Variants in CEACAM21 observed in about 807,000 individuals in gnomAD.
The protein encoded by CEACAM21 is CEA cell adhesion molecule 21, also known as cell adhesion molecule CEACAM21.
Under a neutral mutation model 33.2 loss-of-function variants are expected in CEACAM21, and 38 were observed. The observed-to-expected ratio is 1.14, with a 90% CI of 0.88 to 1.50. CEACAM21 has a LOEUF of 1.50. CEACAM21 is among the 40% of genes most tolerant of loss of function. CEACAM21 has a pLI of 0.00. For synonymous variants in CEACAM21, 156 were observed against 143.0 expected, an observed-to-expected ratio of 1.09 and a Z score of -0.65; for missense variants, 385 against 364.6, an observed-to-expected ratio of 1.06 and a Z score of -0.46.
At chr19:41,574,506 C>A (rs1480362994), upstream of CEACAM21, among the ~76,000 whole-genome samples, 86 of 152,050 alleles carry the variant, frequency 5.7e-4, 1 homozygote, top group Admixed American at 5.6e-3. Context: ...AAAAAGATAA[C>A]CCATTTTTTT....
intron 1 of CEACAM21, among the ~76,000 whole-genome samples, chr19:41,560,695 T>C (rs9304594): frequency 6.6e-6 from 1 of 152,230 alleles, no homozygotes; most frequent in Non-Finnish European, 1.5e-5. Flanking sequence ...TTCAATGTAA[T>C]TCATAACTTT....
intron 1 of CEACAM21, among the ~76,000 whole-genome samples, chr19:41,559,008 T>C (rs1307561515): frequency 6.6e-6 from 1 of 152,234 alleles, no homozygotes. Flanking sequence ...CACACTTTAA[T>C]AGGAGATTTG....
chr19:41,554,998 T>G (rs2041451259), intron 1 of CEACAM21: 2 of 152,172 alleles, frequency 1.3e-5, no homozygotes, highest in South Asian at 4.1e-4. Flanking sequence ...CTCTTAGGCT[T>G]CTTTACTAGG....
chr19:41,564,763 G>C (rs1386360137), exon 2 of CEACAM21: 1 of 152,226 alleles, frequency 6.6e-6, no homozygotes, highest in East Asian at 1.9e-4. Context: ...CCATTGGCGC[G>C]TCACTAATTA....
chr19:41,573,680 C>T (rs1452021111), upstream of CEACAM21, among the ~76,000 whole-genome samples: 2 of 152,202 alleles, frequency 1.3e-5, no homozygotes, highest in African/African-American at 4.8e-5. Flanking sequence ...AATTGTCCCT[C>T]ACTATGTAGG....
At chr19:41,579,023 T>A (rs1474331422) in intron 2 of CEACAM21, among the ~76,000 whole-genome samples, 1 of 152,190 alleles carries the variant, frequency 6.6e-6, no homozygotes, top group Non-Finnish European at 1.5e-5. Flanking sequence ...CCTTAGGGGC[T>A]GAGACCCATG....
chr19:41,552,703 G>A (rs758171378), intron 1 of CEACAM21, among the ~76,000 whole-genome samples: 6 of 152,180 alleles, frequency 3.9e-5, no homozygotes, highest in Non-Finnish European at 7.4e-5. Context: ...GGGGGTCATC[G>A]TTATGGGGCA....
At chr19:41,576,133 C>T (rs187573219), upstream of CEACAM21, 833 of 917,560 alleles carry the variant, frequency 9.1e-4, 4 homozygotes, top group African/African-American at 0.012. Flanking sequence ...TGCCCATAAA[C>T]GGGAAGTGCT....
Position 41,586,549 on chromosome 19 carries a change from C to T in CEACAM21, c.*86C>T. ...TCTTAGGTTCCTCTGGGAGCTGCTCCTGTGGGTTGATGGAGCGTCCCTGAA... is the reference window on the plus strand; with the variant it reads ...TCTTAGGTTCCTCTGGGAGCTGCTCTTGTGGGTTGATGGAGCGTCCCTGAA... On this transcript the variant is annotated 3_prime_UTR_variant, in exon 7 of 7. Transcript: ENST00000401445. 5 of 632,198 alleles carry T rather than the reference C, an allele frequency of 7.9e-6. No individual in the cohort carries two copies. The highest frequency in any genetic ancestry group is 2.7e-5 in the South Asian group (2 of 73,406). 39.2% of individuals were successfully genotyped at this position (632,198 alleles called of 1,614,324 possible).
chr19:41,578,093 C>T (rs557373835), intron 2 of CEACAM21, among the ~76,000 whole-genome samples: 66 of 152,288 alleles, frequency 4.3e-4, no homozygotes, highest in African/African-American at 1.6e-3. Context: ...AGGGCTCAGC[C>T]CCCAGAGCCC....
At chr19:41,581,768 C>T (rs2043405847) in intron 3 of CEACAM21, among the ~76,000 whole-genome samples, 1 of 152,080 alleles carries the variant, frequency 6.6e-6, no homozygotes, top group Non-Finnish European at 1.5e-5. Context: ...GGGAAGAATC[C>T]ACCCCCATGA....
At chr19:41,580,678 C>T (rs184201313) in intron 3 of CEACAM21, among the ~76,000 whole-genome samples, 1 of 152,294 alleles carries the variant, frequency 6.6e-6, no homozygotes, top group East Asian at 1.9e-4. Context: ...TCCATGCCCT[C>T]CCCAGATGCA....
At chr19:41,567,564 T>C (rs1178165583) in intron 2 of CEACAM21, among the ~76,000 whole-genome samples, 2 of 152,192 alleles carry the variant, frequency 1.3e-5, no homozygotes, top group African/African-American at 4.8e-5. Flanking sequence ...ACAACAGAGA[T>C]GTTGCTACTA....
At chr19:41,558,671 C>A (rs2041689519) in intron 1 of CEACAM21, among the ~76,000 whole-genome samples, 1 of 151,886 alleles carries the variant, frequency 6.6e-6, no homozygotes, top group Admixed American at 6.6e-5. Flanking sequence ...CAAAAAAAAA[C>A]CTTCAACATT....
chr19:41,579,087 G>A (rs2043171606), intron 2 of CEACAM21, among the ~76,000 whole-genome samples: 1 of 152,064 alleles, frequency 6.6e-6, no homozygotes. Flanking sequence ...TGCATCTCAT[G>A]TGACTCTGGG....
Position 41,579,540 on chromosome 19 carries a change from C to G in CEACAM21, c.612C>G (p.Ile204Met), listed in dbSNP as rs1181046371. 1 of 1,612,410 alleles carries G rather than the reference C, an allele frequency of 6.2e-7. No individual in the cohort carries two copies. The highest frequency in any genetic ancestry group is 8.5e-7 in the Non-Finnish European group (1 of 1,179,102). ...ACCATGTGCTCACCATAGACCCCAT[C>G]AGGCAGGAGGACGCTGGGGAGTATC... The part of the protein sequence containing the change: ...WFNHVLTIDP[I>M]RQEDAGEYQC... The change falls in exon 3 of 7, where the codon ATC (isoleucine) becomes ATG (methionine). Residue 204 changes from isoleucine (I) to methionine (M), a missense_variant. Physicochemically the swap from Ile to Met is conservative, Grantham distance 10. Transcript: ENST00000401445.
Position 41,566,564 on chromosome 19 carries a change from T to A in CEACAM21, c.-404+1508T>A, listed in dbSNP as rs117550115. Among the ~76,000 whole-genome samples, 577 of 152,344 alleles carry A rather than the reference T, an allele frequency of 3.8e-3. 5 individuals are homozygous for A. Among genetic ancestry groups the A allele is most frequent in the Non-Finnish European group, 6.5e-3 (439 of 68,020 alleles). On this transcript the variant is annotated intron_variant, in intron 2 of 7. Coordinates refer to the CEACAM21 transcript ENST00000407170. ...CTTGTTTGCTATTATTAATTCTGAA[T>A]TTGGTTCACTAAGATTTTGTTTGAT...
At chr19:41,557,867 G>C (rs879982230) in intron 1 of CEACAM21, among the ~76,000 whole-genome samples, 5 of 152,196 alleles carry the variant, frequency 3.3e-5, no homozygotes, top group African/African-American at 1.2e-4. Flanking sequence ...GTGTAAGGTA[G>C]ATGCTATTAT....
intron 1 of CEACAM21, among the ~76,000 whole-genome samples, chr19:41,554,032 A>G (rs560330990): frequency 6.6e-6 from 1 of 152,228 alleles, no homozygotes; most frequent in Admixed American, 6.5e-5. Flanking sequence ...AAAAGCTGTC[A>G]ATAGCTCAAA....
Sources: allele counts gnomAD v4.1 joint callset (sites outside exome capture counted in the v4.1 genomes callset), GRCh38; gene constraint gnomAD v4.1.1; transcripts MANE v1.5; gene names NCBI Gene and HGNC (gene_info 2026-07-23, HGNC 2026-07-21).